ELANE: variants seen among roughly 807,000 people sequenced by gnomAD.
ELANE encodes the protein neutrophil elastase.
A neutral mutation model predicts 20.6 loss-of-function variants in ELANE; 12 were observed. The observed-to-expected ratio is 0.58, with a 90% CI of 0.37 to 0.94. ELANE has a LOEUF of 0.94. ELANE is among the 40% of genes least tolerant of loss of function. The probability of loss-of-function intolerance (pLI) is 0.01; values close to 1 mark genes in which losing one functional copy is unlikely to be tolerated. For synonymous variants in ELANE, 203 were observed against 177.4 expected (o/e 1.14, Z -1.15); for missense variants, 388 against 395.2 (o/e 0.98, Z 0.15).
rs7250194 is a variant in ELANE, at chr19:855,162, T to A, written c.367-402T>A. On this transcript the variant is annotated intron_variant, in intron 3 of 4. Coordinates refer to ENST00000263621, the MANE Select transcript of ELANE (RefSeq NM_001972.4). This position sits in a 1 kb window ranked among gnomAD's most constrained non-coding sequence, Gnocchi z 6.2. ...GCCACCGCACCTGGCAATTTTTTTT[T>A]ATTATTTTTGTAGACATGGGGCTTT... Among the ~76,000 whole-genome samples the A allele has an allele frequency of 0.25, 37,764 of 152,024 alleles. 4,972 individuals carry two copies. Among genetic ancestry groups the A allele is most frequent in the Middle Eastern group, 0.32 (95 of 294 alleles).
At chr19:852,461 G>A (rs2145143103) in intron 1 of ELANE, 66 bp downstream of exon 1, 1 of 1,559,892 alleles carries the variant, frequency 6.4e-7, no homozygotes, top group South Asian at 1.2e-5. Flanking sequence ...CCTCTCCATA[G>A]AGGGCCCCAC....
intron 2 of ELANE, 114 bp downstream of exon 2, chr19:853,146 G>A (rs1032045598): frequency 1.4e-5 from 20 of 1,464,682 alleles, no homozygotes; most frequent in African/African-American, 1.2e-4. Flanking sequence ...TCCAGGGCCC[G>A]CGGGGCCCCT....
chr19:853,455 A>C, intron 3 of ELANE, 52 bp downstream of exon 3: 1 of 1,313,752 alleles, frequency 7.6e-7, no homozygotes, highest in Non-Finnish European at 1.1e-6. Flanking sequence ...AGGCCTGGGG[A>C]GGGTGGAGGC....
intron 1 of ELANE, 99 bp from the exon 2 acceptor site, chr19:852,777 G>A (rs1013662709): frequency 2.0e-6 from 3 of 1,480,618 alleles, no homozygotes; most frequent in Non-Finnish European, 2.7e-6. Context: ...CCCGGTGGGG[G>A]ATCCCGTGGG....
chr19:852,327 C>T lies in ELANE; in HGVS notation c.-2C>T. On this transcript the variant is annotated 5_prime_UTR_variant, in exon 1 of 5. Coordinates refer to ENST00000263621, the MANE Select transcript of ELANE (RefSeq NM_001972.4). ...CAGAGACCCCGGAGCCCCAGCCCCA[C>T]CATGACCCTCGGCCGCCGACTCGCG... 1.9e-6 allele frequency: 3 copies of T among 1,608,826 alleles called. No individual in the cohort carries two copies. Among genetic ancestry groups the T allele is most frequent in the Non-Finnish European group, 2.5e-6 (3 of 1,179,768 alleles).
At position 855,641 on chromosome 19, in the gene ELANE, G is replaced by A; in HGVS notation, c.444G>A (p.Gly148=). 1 of 1,606,210 alleles carries A rather than the reference G, an allele frequency of 6.2e-7. No individual in the cohort carries two copies. The highest frequency in any genetic ancestry group is 1.1e-5 in the South Asian group (1 of 91,074). The change falls in exon 4 of 5, where the codon GGG becomes GGA. Residue 148 remains glycine (G), a synonymous_variant. Coordinates refer to ENST00000263621, the MANE Select transcript of ELANE (RefSeq NM_001972.4). This position sits in a 1 kb window ranked among gnomAD's most constrained non-coding sequence, Gnocchi z 6.2. ...LPAQGRRLGN[G]VQCLAMGWGL... ...CTCAGGGACGCCGCCTGGGCAACGG[G>A]GTGCAGTGCCTGGCCATGGGCTGGG...
chr19:853,129 G>GA (rs1753206493), intron 2 of ELANE, 97 bp downstream of exon 2: 1 of 1,484,814 alleles, frequency 6.7e-7, no homozygotes, highest in African/African-American at 1.4e-5. Flanking sequence ...TGGCGGGGGG[G>GA]GGTCCGTCCA....
chr19:853,115 C>T lies in ELANE; in HGVS notation c.224+83C>T. Reference sequence around the variant, plus strand: ...GGGTGGGGGGAGGCCGGGGCCGGGGCTGCTGGCGGGGGGGGGTCCGTCCAG... The same window carrying T: ...GGGTGGGGGGAGGCCGGGGCCGGGGTTGCTGGCGGGGGGGGGTCCGTCCAG... On this transcript the variant is annotated intron_variant, in intron 2 of 4. Coordinates refer to ENST00000263621, the MANE Select transcript of ELANE (RefSeq NM_001972.4). 4 of 1,467,976 alleles carry T rather than the reference C, an allele frequency of 2.7e-6. 1 individual carries two copies. The Middle Eastern group carries it at 7.2e-4, about 265-fold the overall frequency. The allele number at this position is 1,467,976 out of a possible 1,614,324, so 90.9% of individuals were successfully genotyped here.
At position 852,337 on chromosome 19, in the gene ELANE, C is replaced by T. The variant is rs1199528225; in HGVS notation, c.9C>T (p.Leu3=). The T allele has an allele frequency of 5.0e-6, 8 of 1,609,656 alleles. No homozygotes were observed. Among genetic ancestry groups the T allele is most frequent in the African/African-American group, 4.0e-5 (3 of 74,900 alleles). Residue 3 remains leucine, a synonymous_variant, in exon 1 of 5, where the codon CTC becomes CTT. Coordinates refer to ENST00000263621, the MANE Select transcript of ELANE (RefSeq NM_001972.4). MT[L]GRRLACLFLA... is the part of the protein sequence containing the mutation. ...GGAGCCCCAGCCCCACCATGACCCT[C>T]GGCCGCCGACTCGCGTGTCTTTTCC...
chr19:853,481 C>A, intron 3 of ELANE, 78 bp downstream of exon 3: 1 of 1,505,312 alleles, frequency 6.6e-7, no homozygotes, highest in Non-Finnish European at 9.0e-7. Context: ...CGGAGGGGCG[C>A]GTCGGGGCCG....
Position 855,725 on chromosome 19 carries a change from G to A in ELANE, c.528G>A (p.Val176=), listed in dbSNP as rs1165409661. ...ASVLQELNVT[V]VTSLCRRSNV... is the part of the protein sequence containing the mutation. ...TCCTGCAGGAGCTCAACGTGACGGTGGTGACGTCCCTCTGCCGTCGCAGCA... is the reference window on the plus strand; with the variant it reads ...TCCTGCAGGAGCTCAACGTGACGGTAGTGACGTCCCTCTGCCGTCGCAGCA... The change falls in exon 4 of 5, where the codon GTG becomes GTA. Residue 176 remains valine (V), a synonymous_variant. Coordinates refer to ENST00000263621, the MANE Select transcript of ELANE (RefSeq NM_001972.4). The surrounding 1 kb of genome is among the most constrained non-coding windows in gnomAD (Gnocchi z 6.2). The A allele has an allele frequency of 1.2e-6, 2 of 1,609,974 alleles. No homozygotes were observed. The highest frequency in any genetic ancestry group is 1.7e-6 in the Non-Finnish European group (2 of 1,179,946).
In ELANE at chr19:853,417, G is replaced by C; in HGVS notation, c.366+14G>C. ...GTGATTCTCCAGGTGCCGCCGGGCGGGGCGGGGGGCGCAGGGGCGGAGGCC... is the reference window on the plus strand; with the variant it reads ...GTGATTCTCCAGGTGCCGCCGGGCGCGGCGGGGGGCGCAGGGGCGGAGGCC... On this transcript the variant is annotated intron_variant, in intron 3 of 4. Transcript: ENST00000263621. 6 of 1,588,456 alleles carry C rather than the reference G, an allele frequency of 3.8e-6. No individual in the cohort carries two copies. Among genetic ancestry groups the C allele is most frequent in the Non-Finnish European group, 5.1e-6 (6 of 1,168,370 alleles).
intron 3 of ELANE, among the ~76,000 whole-genome samples, 163 bp downstream of exon 3, chr19:853,566 G>A (rs2035631088): frequency 6.6e-6 from 1 of 152,200 alleles, no homozygotes; most frequent in African/African-American, 2.4e-5. Context: ...TCTGTGAAAC[G>A]GGAAAATACC....
intron 3 of ELANE, among the ~76,000 whole-genome samples, chr19:854,775 ATAT>A (rs1318992866): frequency 1.4e-5 from 2 of 146,406 alleles, no homozygotes; most frequent in African/African-American, 4.9e-5. Flanking sequence ...TATAATTATA[ATAT>A]TTATTATTTT....
rs890280050 is a variant in ELANE at position 853,306 on chromosome 19, C to G, written c.269C>G (p.Ser90Trp). ...VRVVLGAHNL[S>W]RREPTRQVFA... ...GTGGTCCTGGGAGCCCATAACCTCT[C>G]GCGGCGGGAGCCCACCCGGCAGGTG... is the stretch of plus-strand genomic sequence containing the variant. The change falls in exon 3 of 5, where the codon TCG (serine) becomes TGG (tryptophan). Residue 90 changes from serine (S) to tryptophan (W), a missense_variant. Ser to Trp is a radical substitution (Grantham distance 177, BLOSUM62 -3). Around this residue, in one of 3 missense-constraint regions of ELANE, gnomAD observed 321 missense variants for 309.8 expected, o/e 1.04. Coordinates refer to ENST00000263621, the MANE Select transcript of ELANE (RefSeq NM_001972.4). 3.1e-6 allele frequency: 5 copies of G among 1,610,636 alleles called. No homozygotes were observed. The highest frequency in any genetic ancestry group is 1.7e-5 in the Admixed American group (1 of 59,868).
Position 856,218 on chromosome 19 carries a change from G to C in ELANE, c.*54G>C. ...CCACACCCACACTCTCCAGCATCTG[G>C]CACAATAAACATTCTCTGTTTTGTA... On this transcript the variant is annotated 3_prime_UTR_variant, in exon 5 of 5. Coordinates refer to ENST00000263621, the MANE Select transcript of ELANE (RefSeq NM_001972.4). 6.3e-7 allele frequency: 1 copy of C among 1,591,188 alleles called. No individual in the cohort carries two copies. Among genetic ancestry groups the C allele is most frequent in the Admixed American group, 1.7e-5 (1 of 59,974 alleles).
Position 855,909 on chromosome 19 carries a change from G to A in ELANE, c.598-49G>A, listed in dbSNP as rs199996097. The A allele has an allele frequency of 6.2e-7, 1 of 1,610,572 alleles. No homozygotes were observed. On this transcript the variant is annotated intron_variant, in intron 4 of 4. Transcript: ENST00000263621. This position sits in a 1 kb window ranked among gnomAD's most constrained non-coding sequence, Gnocchi z 6.2. The stretch of plus-strand genomic sequence containing the variant: ...CCCAACCCTGACAGGCGGCGGGCAG[G>A]TGGGCAGGGCCTCGCAGTCCAGCTT...
At position 856,048 on chromosome 19, in the gene ELANE, G is replaced by C; in HGVS notation, c.688G>C (p.Asp230His). The C allele has an allele frequency of 1.2e-6, 2 of 1,613,454 alleles. No homozygotes were observed. The highest frequency in any genetic ancestry group is 1.7e-6 in the Non-Finnish European group (2 of 1,179,972). ...RGGCASGLYP[D>H]AFAPVAQFVN... Reference sequence around the variant, plus strand: ...AGGCTGCGCCTCAGGGCTCTACCCCGATGCCTTTGCCCCGGTGGCACAGTT... The same window carrying C: ...AGGCTGCGCCTCAGGGCTCTACCCCCATGCCTTTGCCCCGGTGGCACAGTT... The change falls in exon 5 of 5, where the codon GAT (aspartate) becomes CAT (histidine). Residue 230 changes from aspartate to histidine, a missense_variant. Transcript: ENST00000263621.
chr19:853,161 C>T, intron 2 of ELANE, 101 bp from the exon 3 acceptor site: 3 of 1,471,030 alleles, frequency 2.0e-6, no homozygotes, highest in Non-Finnish European at 2.7e-6. Flanking sequence ...GCCCCTCGAG[C>T]ACCTTCGCCC....
Sources: allele counts gnomAD v4.1 joint callset (sites outside exome capture counted in the v4.1 genomes callset), GRCh38; gene constraint gnomAD v4.1.1; regional missense constraint gnomAD v4.1.1; non-coding constraint Gnocchi (gnomAD v3.1); transcripts MANE v1.5; gene names NCBI Gene and HGNC (gene_info 2026-07-23, HGNC 2026-07-21).